Variants in FAS observed in about 807,000 individuals in gnomAD.
FAS encodes tumor necrosis factor receptor superfamily member 6.
Under a neutral mutation model 33.2 loss-of-function variants are expected in FAS, and 5 were observed. The ratio of observed to expected loss-of-function variants is 0.15; its 90% confidence interval spans 0.08 to 0.32. FAS has a LOEUF of 0.32. FAS is among the 10% of genes least tolerant of loss of function. FAS has a pLI of 1.00. For missense variants in FAS, 339 were observed against 386.0 expected (o/e 0.88, Z 1.02); for synonymous variants, 131 against 130.7 (o/e 1.00, Z -0.01).
chr10:89,013,768 G>A (rs9658771), intron 8 of FAS, among the ~76,000 whole-genome samples: 2,125 of 152,316 alleles, frequency 0.014, 20 homozygotes, highest in Non-Finnish European at 0.022. Context: ...GAGATAAGAT[G>A]ATCATAAACT....
chr10:88,969,999 T>C (rs1408470099), intron 1 of FAS, among the ~76,000 whole-genome samples: 2 of 152,062 alleles, frequency 1.3e-5, no homozygotes, highest in African/African-American at 4.8e-5. Context: ...TTGGAAAAAA[T>C]TGCTCATGGC....
chr10:88,996,420 G>A (rs1847597360), intron 1 of FAS, among the ~76,000 whole-genome samples: 1 of 152,038 alleles, frequency 6.6e-6, no homozygotes, highest in African/African-American at 2.4e-5. Flanking sequence ...GAGTAGAATA[G>A]TGGTTACCAG....
chr10:89,014,720 T>G lies in FAS; in HGVS notation c.*270T>G. On this transcript the variant is annotated 3_prime_UTR_variant, in exon 9 of 9. Coordinates refer to ENST00000652046, the MANE Select transcript of FAS (RefSeq NM_000043.6). Reference sequence around the variant, plus strand: ...GGAGTGTATGCAGAGGATGAAAGATTAAGATTATGCTCTGGCATCTAACAT... The same window carrying G: ...GGAGTGTATGCAGAGGATGAAAGATGAAGATTATGCTCTGGCATCTAACAT... The G allele has an allele frequency of 1.6e-6, 1 of 620,360 alleles. No homozygotes were observed. The allele number at this position is 620,360 out of a possible 1,614,324, so 38.4% of individuals were successfully genotyped here. A position where few individuals can be genotyped will look rare whatever the true frequency, so the allele number is the denominator to read the frequency against.
upstream of FAS, among the ~76,000 whole-genome samples, chr10:88,987,685 G>A (rs1296803503): frequency 6.6e-6 from 1 of 152,194 alleles, no homozygotes; most frequent in Non-Finnish European, 1.5e-5. Flanking sequence ...CTTAAGCCAA[G>A]TCACATTTCC....
intron 8 of FAS, among the ~76,000 whole-genome samples, chr10:89,013,871 T>C (rs1589489878): frequency 6.6e-6 from 1 of 152,170 alleles, no homozygotes; most frequent in African/African-American, 2.4e-5. Flanking sequence ...AATTTATAAA[T>C]GAGAAAAGAA....
At chr10:89,011,739 T>C (rs1160711191) in intron 6 of FAS, among the ~76,000 whole-genome samples, 1 of 152,212 alleles carries the variant, frequency 6.6e-6, no homozygotes, top group Non-Finnish European at 1.5e-5. Context: ...GCTTGCCATA[T>C]GGTAAGTCAA....
chr10:89,016,355 A>G lies in FAS; in HGVS notation c.*1905A>G, dbSNP rs1452788314. 3 of 219,152 alleles carry G rather than the reference A, an allele frequency of 1.4e-5. No homozygotes were observed. In the East Asian group the frequency reaches 2.0e-4, roughly 15 times the overall value. The allele number at this position is 219,152 out of a possible 1,614,324, so 13.6% of individuals were successfully genotyped here. A position where few individuals can be genotyped will look rare whatever the true frequency, so the allele number is the denominator to read the frequency against. ...ATTAATTTCTCTTTTCTGAGCCATC[A>G]TAGTCTGTGCTGTCTGCTCTCCAGT... On this transcript the variant is annotated 3_prime_UTR_variant, in exon 9 of 9. Coordinates refer to ENST00000652046, the MANE Select transcript of FAS (RefSeq NM_000043.6).
chr10:88,989,299 C>T (rs1382582646), upstream of FAS, among the ~76,000 whole-genome samples: 1 of 152,102 alleles, frequency 6.6e-6, no homozygotes, highest in Non-Finnish European at 1.5e-5. Flanking sequence ...TCTTCCCTTA[C>T]CTCTCCTTTC....
chr10:89,000,606 C>T (rs1847865573), intron 1 of FAS, among the ~76,000 whole-genome samples: 1 of 152,086 alleles, frequency 6.6e-6, no homozygotes, highest in Non-Finnish European at 1.5e-5. Context: ...TTTTCTTTCA[C>T]TTTTCATTTT....
rs543023893 is a variant in FAS, at chr10:88,971,870, A to G, written n.95-1312A>G. Among the ~76,000 whole-genome samples the G allele has an allele frequency of 4.0e-5, 6 of 151,568 alleles. No homozygotes were observed. The East Asian group carries it at 1.2e-3, about 29-fold the overall frequency. ...CTAACAGTTTATTTAAGCCAAATTT[A>G]TAGTTTCTGAAGCGCTAGAAGGCTG... On this transcript the variant is annotated intron_variant and non_coding_transcript_variant, in intron 1 of 3. Coordinates refer to the FAS transcript ENST00000688239.
intron 2 of FAS, among the ~76,000 whole-genome samples, chr10:89,004,924 G>A (rs1848133505): frequency 6.6e-6 from 1 of 152,164 alleles, no homozygotes; most frequent in East Asian, 1.9e-4. Flanking sequence ...TTAGTGTTGT[G>A]ATATTCATAT....
At chr10:89,002,999 TA>T in intron 1 of FAS, 29 bp from the exon 2 acceptor site, 1 of 1,613,596 alleles carries the variant, frequency 6.2e-7, no homozygotes, top group Non-Finnish European at 8.5e-7. Context: ...CAGAAATCAA[TA>T]AAATTCTCTT....
intron 1 of FAS, among the ~76,000 whole-genome samples, chr10:88,965,359 A>G (rs1173633821): frequency 6.6e-6 from 1 of 152,320 alleles, no homozygotes; most frequent in African/African-American, 2.4e-5. Context: ...GCTGTCTGCA[A>G]TGACCATCTC....
rs560254978 is a variant in FAS, at chr10:89,013,591, CTG to C, written c.676+225_676+226del. On this transcript the variant is annotated intron_variant, in intron 8 of 8. Coordinates refer to ENST00000652046, the MANE Select transcript of FAS (RefSeq NM_000043.6). ...TCAAGTAACAATAAGACACAATAGT[CTG>C]AGGCTTAAGAAACTTTTCCTTCATA... Among the ~76,000 whole-genome samples, 26 of 152,250 alleles carry C rather than the reference CTG, an allele frequency of 1.7e-4. No homozygotes were observed. In the South Asian group the frequency reaches 5.2e-3, roughly 30 times the overall value.
At chr10:88,993,774 A>C (rs1196735916) in intron 1 of FAS, among the ~76,000 whole-genome samples, 1 of 132,016 alleles carries the variant, frequency 7.6e-6, no homozygotes, top group African/African-American at 3.3e-5. Flanking sequence ...AATTTTTCTT[A>C]AGCCAACCTA....
At chr10:88,991,623 G>C (rs4064) in intron 1 of FAS, 46,015 of 153,676 alleles carry the variant, frequency 0.3, 7,404 homozygotes, top group Non-Finnish European at 0.36. Context: ...CTCTCTTTAA[G>C]ACTGTAAGTC....
chr10:88,980,939 A>G (rs1009343339), intron 2 of FAS, among the ~76,000 whole-genome samples: 6 of 152,212 alleles, frequency 3.9e-5, no homozygotes, highest in Non-Finnish European at 7.3e-5. Context: ...AAGGTCACAA[A>G]GGGATAAAGT....
upstream of FAS, among the ~76,000 whole-genome samples, chr10:88,986,963 G>A (rs1846913444): frequency 6.6e-6 from 1 of 152,158 alleles, no homozygotes; most frequent in South Asian, 2.1e-4. Context: ...CTTTAATCCT[G>A]TAGGAAATAA....
chr10:88,991,234 G>A, intron 1 of FAS: 1 of 504,492 alleles, frequency 2.0e-6, no homozygotes, highest in Non-Finnish European at 3.6e-6. Flanking sequence ...GTGCGGACAG[G>A]AATTGAAGCG....
Sources: allele counts gnomAD v4.1 joint callset (sites outside exome capture counted in the v4.1 genomes callset), GRCh38; gene constraint gnomAD v4.1.1; transcripts MANE v1.5; gene names NCBI Gene and HGNC (gene_info 2026-07-23, HGNC 2026-07-21).